Variants in QTGAL observed in about 807,000 individuals in gnomAD.
The protein encoded by QTGAL is BGnT-like protein 1.
At chr17:83,005,063 C>A in the QTGAL span, 2 of 1,444,374 alleles carry the variant, frequency 1.4e-6, no homozygotes, top group Non-Finnish European at 9.5e-7. This position sits in a 1 kb window ranked among gnomAD's most constrained non-coding sequence, Gnocchi z 5.6. Context: ...CATGAGATGG[C>A]GCCCAGAGGC....
At chr17:82,976,965 A>G in the QTGAL span, among the ~76,000 whole-genome samples, 20,562 of 72,402 alleles carry the variant, frequency 0.28, 5,178 homozygotes, top group African/African-American at 0.48. Flanking sequence ...GACAGAGCCG[A>G]ACTCCATCCT....
the QTGAL span, among the ~76,000 whole-genome samples, chr17:82,963,046 G>T: frequency 6.6e-6 from 1 of 152,062 alleles, no homozygotes; most frequent in African/African-American, 2.4e-5. Context: ...CGCAGGGAGA[G>T]GGGGAGGGGT....
chr17:83,012,682 G>A, the QTGAL span, among the ~76,000 whole-genome samples: 3 of 152,212 alleles, frequency 2.0e-5, no homozygotes, highest in East Asian at 1.9e-4. Context: ...CTCCATGTGC[G>A]ATATCTCACA....
At chr17:82,962,524 CGCGGGTGCTGGTGG>C in the QTGAL span, among the ~76,000 whole-genome samples, 1 of 132,706 alleles carries the variant, frequency 7.5e-6, no homozygotes, top group East Asian at 2.2e-4. Flanking sequence ...TGGAGGCTCC[CGCGGGTGCTGGTGG>C]ACACGGACCC....
At chr17:82,947,104 T>C in the QTGAL span, 1 of 777,102 alleles carries the variant, frequency 1.3e-6, no homozygotes, top group Admixed American at 2.7e-5. Context: ...GTTCTGCTCC[T>C]CTGCTAATAG....
chr17:82,961,334 T>C, the QTGAL span: 1 of 847,608 alleles, frequency 1.2e-6, no homozygotes, highest in Non-Finnish European at 1.5e-6. Context: ...AACAGGGACG[T>C]GGGGCGGCGA....
At chr17:83,005,026 G>T in the QTGAL span, 3 of 1,096,964 alleles carry the variant, frequency 2.7e-6, no homozygotes, top group Non-Finnish European at 3.9e-6. This position sits in a 1 kb window ranked among gnomAD's most constrained non-coding sequence, Gnocchi z 5.6. Flanking sequence ...CCACGACGAC[G>T]CAGACACAAG....
At chr17:82,983,007 G>A in the QTGAL span, among the ~76,000 whole-genome samples, 41 of 152,282 alleles carry the variant, frequency 2.7e-4, no homozygotes, top group African/African-American at 8.9e-4. Flanking sequence ...TTGGCTGGGC[G>A]CAGTGGCTCA....
At chr17:82,980,965 A>C in the QTGAL span, 1 of 152,158 alleles carries the variant, frequency 6.6e-6, no homozygotes, top group African/African-American at 2.4e-5. Context: ...GGTGTTCCAA[A>C]AATGCCTCAT....
chr17:82,961,176 G>A, the QTGAL span: 2 of 1,606,746 alleles, frequency 1.2e-6, no homozygotes, highest in African/African-American at 2.7e-5. Flanking sequence ...GGTCCTCCGG[G>A]ACGCCCTGCA....
the QTGAL span, among the ~76,000 whole-genome samples, chr17:82,952,737 A>G: frequency 6.6e-6 from 1 of 152,254 alleles, no homozygotes; most frequent in East Asian, 1.9e-4. Context: ...CCCTAAATCA[A>G]CAGAATATAC....
the QTGAL span, among the ~76,000 whole-genome samples, chr17:83,000,898 T>A: frequency 1.3e-5 from 2 of 152,186 alleles, no homozygotes; most frequent in Non-Finnish European, 2.9e-5. Context: ...TACCTGAGCC[T>A]CCAGCAAATG....
At chr17:82,999,720 C>G in the QTGAL span, among the ~76,000 whole-genome samples, 1 of 152,150 alleles carries the variant, frequency 6.6e-6, no homozygotes, top group East Asian at 1.9e-4. Context: ...AGTCTGTTTA[C>G]AAGAATCATC....
the QTGAL span, among the ~76,000 whole-genome samples, chr17:83,033,495 A>G: frequency 0.3 from 44,750 of 148,754 alleles, 7,440 homozygotes; most frequent in African/African-American, 0.43. Flanking sequence ...TTTTTGAGAC[A>G]GAGTCCCGCT....
the QTGAL span, among the ~76,000 whole-genome samples, chr17:82,966,562 G>C: frequency 6.6e-6 from 1 of 152,182 alleles, no homozygotes; most frequent in Admixed American, 6.5e-5. Context: ...CCTGGCTGGG[G>C]TTTGATGTTT....
chr17:83,021,234 C>A, the QTGAL span, among the ~76,000 whole-genome samples: 1 of 151,998 alleles, frequency 6.6e-6, no homozygotes, highest in Non-Finnish European at 1.5e-5. Context: ...TGAACTGAAC[C>A]AAGAACGCGG....
At chr17:82,982,116 AGG>A in the QTGAL span, among the ~76,000 whole-genome samples, 1 of 144,024 alleles carries the variant, frequency 6.9e-6, no homozygotes, top group Non-Finnish European at 1.5e-5. Context: ...AAGCGGGTGG[AGG>A]AGCCTCCATC....
the QTGAL span, among the ~76,000 whole-genome samples, chr17:82,970,672 C>CCGTGACCTCCCCACCCAGT: frequency 3.1e-3 from 203 of 65,102 alleles, 49 homozygotes; most frequent in African/African-American, 9.7e-3. Flanking sequence ...CCGCACCCAG[C>CCGTGACCTCCCCACCCAGT]GTGGCCGTGA....
At chr17:82,991,037 C>T in the QTGAL span, among the ~76,000 whole-genome samples, 1 of 152,150 alleles carries the variant, frequency 6.6e-6, no homozygotes, top group Non-Finnish European at 1.5e-5. Context: ...GTTATGGCAG[C>T]CTGAGCTGAT....
Sources: gnomAD v4.1 joint callset for allele counts (sites outside exome capture counted in the v4.1 genomes callset) on GRCh38, gnomAD v4.1.1 for gene constraint, Gnocchi (gnomAD v3.1) non-coding constraint, MANE v1.5 for transcripts, NCBI Gene and HGNC (gene_info 2026-07-23, HGNC 2026-07-21) for gene names.